The following CRIM1 variants were observed in gnomAD, a reference collection of about 807,000 sequenced individuals.
CRIM1 encodes cysteine-rich motor neuron 1 protein.
In CRIM1, 32 loss-of-function variants were observed where a neutral mutation model predicts 116.4. The ratio of observed to expected loss-of-function variants is 0.27; its 90% CI spans 0.21 to 0.37. CRIM1 has a LOEUF of 0.37. Among genes scored for constraint, CRIM1 ranks in the 10% least tolerant of loss-of-function variants. The pLI is 1.00. For synonymous variants in CRIM1, 590 were observed against 509.2 expected, an observed-to-expected ratio of 1.16 and a Z score of -2.13; for missense variants, 1,331 against 1,354.8, an observed-to-expected ratio of 0.98 and a Z score of 0.28.
chr2:36,442,779 G>A (rs751292769), intron 4 of CRIM1, 44 bp downstream of exon 4: 3 of 1,612,014 alleles, frequency 1.9e-6, no homozygotes, highest in South Asian at 2.2e-5. Flanking sequence ...TCATTTGTTA[G>A]CATCATCTAA....
intron 8 of CRIM1, among the ~76,000 whole-genome samples, chr2:36,509,577 A>G (rs896744633): frequency 2.0e-5 from 3 of 152,202 alleles, no homozygotes; most frequent in African/African-American, 7.2e-5. Context: ...CAATAGAAAT[A>G]AAACATATAA....
At chr2:36,444,032 G>A (rs1289391873) in intron 4 of CRIM1, among the ~76,000 whole-genome samples, 1 of 152,230 alleles carries the variant, frequency 6.6e-6, no homozygotes, top group East Asian at 1.9e-4. Context: ...ATCAGTAAAG[G>A]AGATAAATGG....
At chr2:36,399,199 A>G (rs974723397) in intron 2 of CRIM1, among the ~76,000 whole-genome samples, 3 of 152,252 alleles carry the variant, frequency 2.0e-5, no homozygotes, top group African/African-American at 4.8e-5. Flanking sequence ...CAACAAGCTT[A>G]AGCCGGGTAA....
chr2:36,371,826 A>G (rs1225919064), intron 1 of CRIM1, among the ~76,000 whole-genome samples: 1 of 152,166 alleles, frequency 6.6e-6, no homozygotes, highest in African/African-American at 2.4e-5. Context: ...GATCTGATAT[A>G]CTAAACGGTT....
At chr2:36,520,192 C>T (rs1281163269) in intron 12 of CRIM1, among the ~76,000 whole-genome samples, 1 of 152,226 alleles carries the variant, frequency 6.6e-6, no homozygotes, top group Non-Finnish European at 1.5e-5. Flanking sequence ...ATCCTGATGT[C>T]CTCTGGGTTA....
chr2:36,384,388 A>G (rs1254392184), intron 1 of CRIM1, among the ~76,000 whole-genome samples: 1 of 152,220 alleles, frequency 6.6e-6, no homozygotes, highest in Admixed American at 6.5e-5. Context: ...GCCATCATAG[A>G]TTTATAGATA....
In CRIM1 at chr2:36,549,968, C is replaced by T. The variant is rs917092133; in HGVS notation, c.*1267C>T. The T allele has an allele frequency of 3.9e-5, 6 of 152,366 alleles. No homozygotes were observed. The highest frequency in any genetic ancestry group is 1.5e-4 in the African/African-American group (6 of 41,370). The allele number at this position is 152,366 out of a possible 1,614,324, so 9.4% of individuals were successfully genotyped here. On this transcript the variant is annotated 3_prime_UTR_variant, in exon 17 of 17. Transcript: ENST00000280527. Reference sequence around the variant, plus strand: ...CCATAGCAGTGCTTTTGATCACTTACAAATTTTTTGAATAACACAAAATCT... The same window carrying T: ...CCATAGCAGTGCTTTTGATCACTTATAAATTTTTTGAATAACACAAAATCT...
chr2:36,425,338 T>C (rs1674370280), intron 2 of CRIM1, among the ~76,000 whole-genome samples: 1 of 152,216 alleles, frequency 6.6e-6, no homozygotes, highest in Non-Finnish European at 1.5e-5. Flanking sequence ...TCAGAAATAA[T>C]ATCAGAAGAT....
intron 1 of CRIM1, among the ~76,000 whole-genome samples, chr2:36,392,296 G>C (rs897903516): frequency 2.6e-5 from 4 of 152,052 alleles, no homozygotes; most frequent in African/African-American, 9.7e-5. Flanking sequence ...ATCCTAATTT[G>C]GTATCTTGCA....
chr2:36,547,961 A>G (rs568818093), intron 16 of CRIM1, among the ~76,000 whole-genome samples: 48 of 152,306 alleles, frequency 3.2e-4, no homozygotes, highest in African/African-American at 1.1e-3. Context: ...TAACCCTTCC[A>G]TGTAAAAATT....
At chr2:36,397,374 C>T (rs1672102892) in intron 2 of CRIM1, among the ~76,000 whole-genome samples, 1 of 151,950 alleles carries the variant, frequency 6.6e-6, no homozygotes, top group South Asian at 2.1e-4. Flanking sequence ...ATACATACAA[C>T]CAAGAAAAAA....
At chr2:36,415,924 G>A (rs1673582990) in intron 2 of CRIM1, among the ~76,000 whole-genome samples, 1 of 152,212 alleles carries the variant, frequency 6.6e-6, no homozygotes, top group Admixed American at 6.5e-5. Context: ...ATAATGGATT[G>A]GGGCTGGGCA....
chr2:36,360,100 A>G (rs766458397), intron 1 of CRIM1, among the ~76,000 whole-genome samples: 5 of 152,234 alleles, frequency 3.3e-5, no homozygotes, highest in African/African-American at 7.2e-5. Context: ...TTTTGATTGG[A>G]CAGTGAGAAT....
chr2:36,477,026 G>A lies in CRIM1; in HGVS notation c.1129G>A (p.Glu377Lys), dbSNP rs139797980. The A allele has an allele frequency of 9.3e-5, 150 of 1,613,726 alleles. No individual in the cohort carries two copies. In the East Asian group the frequency reaches 1.2e-3, roughly 13 times the overall value. ...CGCCCAGTGTGGTGAGATAAACTGCGAGAGGTACTACGTGCCCGAAGGAGA... is the reference window on the plus strand; with the variant it reads ...CGCCCAGTGTGGTGAGATAAACTGCAAGAGGTACTACGTGCCCGAAGGAGA... ...FTAQCGEINC[E>K]RYYVPEGECC... is the part of the protein sequence containing the mutation. The change falls in exon 6 of 17, where the codon GAG (glutamate) becomes AAG (lysine). Residue 377 changes from glutamate to lysine, a missense_variant. Glu to Lys is a moderately conservative substitution (Grantham distance 56). Coordinates refer to ENST00000280527, the MANE Select transcript of CRIM1 (RefSeq NM_016441.3).
intron 4 of CRIM1, among the ~76,000 whole-genome samples, chr2:36,460,377 G>A (rs757300833): frequency 5.9e-5 from 9 of 152,120 alleles, no homozygotes; most frequent in African/African-American, 1.7e-4. Flanking sequence ...GCTAAGGGCC[G>A]GAGATCAGGG....
At chr2:36,477,282 G>A (rs1418945718) in intron 6 of CRIM1, among the ~76,000 whole-genome samples, 1 of 152,210 alleles carries the variant, frequency 6.6e-6, no homozygotes, top group Non-Finnish European at 1.5e-5. Context: ...ATGCCTGGGT[G>A]TAGACAATGG....
chr2:36,396,355 A>G (rs1217295793), intron 1 of CRIM1, among the ~76,000 whole-genome samples: 1 of 152,240 alleles, frequency 6.6e-6, no homozygotes, highest in African/African-American at 2.4e-5. Context: ...ACACATTAAG[A>G]GAAGTAGTGG....
intron 2 of CRIM1, among the ~76,000 whole-genome samples, chr2:36,410,329 T>C (rs1261316366): frequency 6.6e-6 from 1 of 152,210 alleles, no homozygotes; most frequent in Non-Finnish European, 1.5e-5. Context: ...AGCCTTTCTT[T>C]TCCTGTTCCA....
chr2:36,399,266 G>A (rs1672250945), intron 2 of CRIM1, among the ~76,000 whole-genome samples: 2 of 152,190 alleles, frequency 1.3e-5, no homozygotes, highest in Non-Finnish European at 2.9e-5. Flanking sequence ...GAAAGAAGAT[G>A]GTGAAGTCAA....
Sources: gnomAD v4.1 joint callset for allele counts (sites outside exome capture counted in the v4.1 genomes callset) on GRCh38, gnomAD v4.1.1 for gene constraint, MANE v1.5 for transcripts, NCBI Gene and HGNC (gene_info 2026-07-23, HGNC 2026-07-21) for gene names.